The following MTFR1 variants were observed in gnomAD, a reference collection of about 807,000 sequenced individuals.
MTFR1 encodes the protein mitochondrial fission regulator 1, also known as chondrocyte protein with a poly-proline region.
MTFR1 carries 28 observed loss-of-function variants against 38.8 expected under a neutral mutation model. The observed-to-expected ratio is 0.72, with a 90% CI of 0.53 to 0.99. The LOEUF is 0.99. MTFR1 is among the 50% of genes least tolerant of loss of function. MTFR1 has a pLI of 0.00. For synonymous variants in MTFR1, 145 were observed against 137.0 expected (o/e 1.06, Z -0.41); for missense variants, 358 against 395.5 (o/e 0.91, Z 0.81).
chr8:65,713,596 T>C (rs1208688915), downstream of MTFR1, among the ~76,000 whole-genome samples: 6 of 152,202 alleles, frequency 3.9e-5, no homozygotes, highest in Non-Finnish European at 7.3e-5. Context: ...AAATATGTAA[T>C]TGATGAAAGT....
chr8:65,670,478 C>A (rs1804537931), intron 2 of MTFR1, among the ~76,000 whole-genome samples: 1 of 151,986 alleles, frequency 6.6e-6, no homozygotes, highest in Non-Finnish European at 1.5e-5. Flanking sequence ...AATGATTGTT[C>A]TATGCTAGAG....
At chr8:65,764,409 G>T (rs1215596293) in intron 3 of MTFR1, among the ~76,000 whole-genome samples, 2 of 152,184 alleles carry the variant, frequency 1.3e-5, no homozygotes, top group Admixed American at 1.3e-4. Flanking sequence ...TACAAATGAT[G>T]GATAGCTGCT....
chr8:65,716,160 A>G (rs1242228466), intron 2 of MTFR1, among the ~76,000 whole-genome samples: 1 of 151,504 alleles, frequency 6.6e-6, no homozygotes, highest in African/African-American at 2.4e-5. Flanking sequence ...AAAAAAAAAA[A>G]AAACAAAAGG....
At chr8:65,776,017 A>G (rs1809250452), downstream of MTFR1, among the ~76,000 whole-genome samples, 1 of 151,912 alleles carries the variant, frequency 6.6e-6, no homozygotes, top group Admixed American at 6.6e-5. Flanking sequence ...TCTTAAATTC[A>G]CTTTAATTTC....
intron 3 of MTFR1, among the ~76,000 whole-genome samples, chr8:65,737,375 G>A (rs1341701436): frequency 2.0e-5 from 3 of 152,036 alleles, no homozygotes; most frequent in Non-Finnish European, 1.5e-5. Flanking sequence ...TGCCAGTATA[G>A]CTACTGGGGC....
At chr8:65,662,731 A>G (rs1585751105) in intron 1 of MTFR1, among the ~76,000 whole-genome samples, 1 of 128,446 alleles carries the variant, frequency 7.8e-6, no homozygotes, top group African/African-American at 2.9e-5. Flanking sequence ...AGAAGTGAGG[A>G]GCCCCTCCGC....
intron 1 of MTFR1, among the ~76,000 whole-genome samples, chr8:65,668,525 C>CTTT (rs144265003): frequency 1.6e-5 from 2 of 127,018 alleles, no homozygotes; most frequent in Non-Finnish European, 3.2e-5. Context: ...TTTCTTTTTT[C>CTTT]TTTTTTTTTT....
At chr8:65,715,684 A>G (rs1806104411) in intron 2 of MTFR1, among the ~76,000 whole-genome samples, 1 of 140,258 alleles carries the variant, frequency 7.1e-6, no homozygotes, top group African/African-American at 2.6e-5. Context: ...GGCCACAAAA[A>G]TGTTCTTAAA....
chr8:65,707,812 T>C, intron 6 of MTFR1, 31 bp from the exon 7 acceptor site: 1 of 1,607,262 alleles, frequency 6.2e-7, no homozygotes, highest in Non-Finnish European at 8.5e-7. Context: ...TGTATTGATC[T>C]GTCCCCTTGG....
At chr8:65,675,754 G>A (rs538783589) in intron 2 of MTFR1, among the ~76,000 whole-genome samples, 4 of 152,282 alleles carry the variant, frequency 2.6e-5, no homozygotes, top group South Asian at 2.1e-4. Flanking sequence ...CAGTAAATTC[G>A]TAGAGGCTAA....
intron 1 of MTFR1, among the ~76,000 whole-genome samples, chr8:65,649,737 A>G (rs1031495381): frequency 6.6e-6 from 1 of 152,000 alleles, no homozygotes; most frequent in Non-Finnish European, 1.5e-5. Context: ...TCTAGGTCTT[A>G]TTCATTCTAA....
intron 3 of MTFR1, among the ~76,000 whole-genome samples, chr8:65,769,216 C>G (rs1486049605): frequency 6.9e-6 from 1 of 145,614 alleles, no homozygotes; most frequent in Non-Finnish European, 1.5e-5. Flanking sequence ...CCACTGCACT[C>G]CAGCCTAGGT....
intron 3 of MTFR1, among the ~76,000 whole-genome samples, chr8:65,739,321 C>T (rs1807297642): frequency 6.6e-6 from 1 of 152,120 alleles, no homozygotes; most frequent in Non-Finnish European, 1.5e-5. Context: ...CAGACCAGAC[C>T]AAAAGAAGCA....
exon 3 of MTFR1, chr8:65,719,393 G>T: frequency 6.2e-7 from 1 of 1,613,834 alleles, no homozygotes; most frequent in South Asian, 1.1e-5. Flanking sequence ...CTTCCAGCTG[G>T]CTTTATTCAG....
rs544604547 is a variant in MTFR1 at position 65,726,901 on chromosome 8, T to C, written c.*48+7420T>C. 865 of 1,604,220 alleles carry C rather than the reference T, an allele frequency of 5.4e-4. 11 individuals carry two copies. The South Asian group carries it at 9.1e-3, about 17-fold the overall frequency. ...TGCTTTCTAATGGCAGATGTGAGAA[T>C]AAGCCTGATTCTCTCAATAAGCCCA... On this transcript the variant is annotated intron_variant, in intron 3 of 3. Coordinates refer to the MTFR1 transcript ENST00000521247.
chr8:65,706,618 T>G (rs1415828978), intron 5 of MTFR1, among the ~76,000 whole-genome samples: 2 of 152,160 alleles, frequency 1.3e-5, no homozygotes, highest in African/African-American at 4.8e-5. Flanking sequence ...AGTCACAAAT[T>G]TGTTAGTTTT....
At chr8:65,712,721 C>A (rs1346822352), downstream of MTFR1, among the ~76,000 whole-genome samples, 1 of 152,274 alleles carries the variant, frequency 6.6e-6, no homozygotes, top group Middle Eastern at 3.4e-3. Flanking sequence ...CATTCCAGCA[C>A]CTGGATCTCA....
intron 3 of MTFR1, among the ~76,000 whole-genome samples, chr8:65,758,126 T>C (rs1362961273): frequency 1.3e-5 from 2 of 152,200 alleles, no homozygotes; most frequent in Non-Finnish European, 2.9e-5. Context: ...CCTTTTCCTG[T>C]GTCCATTCCC....
chr8:65,719,840 G>A (rs1164169902), intron 3 of MTFR1: 4 of 277,924 alleles, frequency 1.4e-5, no homozygotes, highest in South Asian at 4.4e-5. Context: ...AGCCCAATTC[G>A]AGGCAGAGTT....
Sources: gnomAD v4.1 joint callset for allele counts (sites outside exome capture counted in the v4.1 genomes callset) on GRCh38, gnomAD v4.1.1 for gene constraint, MANE v1.5 for transcripts, NCBI Gene and HGNC (gene_info 2026-07-23, HGNC 2026-07-21) for gene names.